DOP1B: variants seen among roughly 807,000 people sequenced by gnomAD.
DOP1B encodes DOP1 leucine zipper like protein B.
DOP1B carries 174 observed loss-of-function variants against 233.5 expected under a neutral mutation model. That is an observed-to-expected ratio of 0.75 (90% CI 0.66 to 0.85). The LOEUF is 0.85. Among genes scored for constraint, DOP1B ranks in the 40% least tolerant of loss-of-function variants. The pLI is 0.00. For synonymous variants in DOP1B, 1,190 were observed against 1,185.6 expected, an observed-to-expected ratio of 1.00 and a Z score of -0.08; for missense variants, 2,652 against 2,846.6, an observed-to-expected ratio of 0.93 and a Z score of 1.56.
At chr21:36,238,833 T>G in intron 17 of DOP1B, 132 bp downstream of exon 17, 1 of 846,610 alleles carries the variant, frequency 1.2e-6, no homozygotes, top group Non-Finnish European at 1.9e-6. Context: ...CCGGGTGTGG[T>G]GGCTCACGCC....
At chr21:36,179,883 A>T (rs1297696478) in intron 2 of DOP1B, among the ~76,000 whole-genome samples, 1 of 152,182 alleles carries the variant, frequency 6.6e-6, no homozygotes, top group South Asian at 2.1e-4. Flanking sequence ...ATTTTTGTTA[A>T]GATAAATTGC....
intron 2 of DOP1B, among the ~76,000 whole-genome samples, chr21:36,194,342 G>T (rs980526280): frequency 6.6e-6 from 1 of 152,218 alleles, no homozygotes; most frequent in Admixed American, 6.5e-5. Flanking sequence ...CTTGAGTCAA[G>T]CTTACCTCTC....
At chr21:36,170,949 C>A (rs1351336697) in intron 2 of DOP1B, among the ~76,000 whole-genome samples, 1 of 152,300 alleles carries the variant, frequency 6.6e-6, no homozygotes, top group South Asian at 2.1e-4. Context: ...TTGCAAGATA[C>A]GGTTGGGACA....
intron 23 of DOP1B, 44 bp from the exon 24 acceptor site, chr21:36,260,633 A>C (rs1271661325): frequency 6.2e-7 from 1 of 1,611,514 alleles, no homozygotes. Context: ...TTTTAGCCTT[A>C]TTTCCCACCA....
intron 32 of DOP1B, among the ~76,000 whole-genome samples, chr21:36,286,621 G>C (rs966848882): frequency 7.0e-6 from 1 of 142,156 alleles, no homozygotes; most frequent in Non-Finnish European, 1.5e-5. Context: ...GAGTGACAGA[G>C]TAAGACTCCA....
chr21:36,233,936 C>G (rs1022552189), intron 15 of DOP1B, among the ~76,000 whole-genome samples: 1 of 152,116 alleles, frequency 6.6e-6, no homozygotes, highest in Non-Finnish European at 1.5e-5. Context: ...TCACTGCAAC[C>G]TCTGCCTCCC....
chr21:36,263,542 A>AT lies in DOP1B; in HGVS notation c.5316-4_5316-3insT, dbSNP rs2067198037. 1 of 1,612,436 alleles carries AT rather than the reference A, an allele frequency of 6.2e-7. No homozygotes were observed. Among genetic ancestry groups the AT allele is most frequent in the East Asian group, 2.2e-5 (1 of 44,892 alleles). On this transcript the variant is annotated splice_polypyrimidine_tract_variant and splice_region_variant and intron_variant, in intron 24 of 36. Transcript: ENST00000691173. Reference sequence around the variant, plus strand: ...AGTATTTTTCCTATCTTTTAAAAAAACAGGCTCCCAGTACCAGCCTTGCAA... The same window carrying AT: ...AGTATTTTTCCTATCTTTTAAAAAAATCAGGCTCCCAGTACCAGCCTTGCAA...
At chr21:36,177,802 T>G (rs1601385315) in intron 2 of DOP1B, among the ~76,000 whole-genome samples, 1 of 152,366 alleles carries the variant, frequency 6.6e-6, no homozygotes, top group Middle Eastern at 3.4e-3. Context: ...CCTCACCAGA[T>G]GCAGCCCCTT....
At chr21:36,207,490 GTTTTTTTTGT>G (rs1181998289) in intron 4 of DOP1B, among the ~76,000 whole-genome samples, 35 of 120,952 alleles carry the variant, frequency 2.9e-4, no homozygotes, top group African/African-American at 1.1e-3. Flanking sequence ...CAGCCAAACA[GTTTTTTTTGT>G]TTTTTTTTTT....
Position 36,169,267 on chromosome 21 carries a change from C to T in DOP1B, c.138+4396C>T, listed in dbSNP as rs115028331. On this transcript the variant is annotated intron_variant, in intron 2 of 36. Coordinates refer to ENST00000691173, the MANE Select transcript of DOP1B (RefSeq NM_001320714.2). ...TGCTCTTGTCAGACAGGTCATAGTC[C>T]GTGGAGGCATTGTTCTTGATCGGTT... 852 of 834,656 alleles carry T rather than the reference C, an allele frequency of 1.0e-3. 2 individuals carry two copies. Among genetic ancestry groups the T allele is most frequent in the Middle Eastern group, 5.2e-3 (15 of 2,876 alleles). 51.7% of individuals were successfully genotyped at this position (834,656 alleles called of 1,614,324 possible). A position where few individuals can be genotyped will look rare whatever the true frequency, so the allele number is the denominator to read the frequency against.
intron 15 of DOP1B, 33 bp downstream of exon 15, chr21:36,233,108 C>T (rs1165775933): frequency 1.2e-6 from 2 of 1,603,530 alleles, no homozygotes; most frequent in Non-Finnish European, 1.7e-6. Flanking sequence ...TTCTTATGGC[C>T]TCCTTCTCCC....
rs2066963755 is a variant in DOP1B at position 36,246,270 on chromosome 21, G to A, written c.4290G>A (p.Gln1430=). The change falls in exon 19 of 37, where the codon CAG becomes CAA. Residue 1430 remains glutamine, a synonymous_variant. Coordinates refer to ENST00000691173, the MANE Select transcript of DOP1B (RefSeq NM_001320714.2). This position sits in a 1 kb window ranked among gnomAD's most constrained non-coding sequence, Gnocchi z 5.1. ...GTCTCATTAACTTGGGTCAGGACCA[G>A]ATCTGGAGTGAGCACCCGCTGCAGA... ...EESLINLGQD[Q]IWSEHPLQIE... The A allele has an allele frequency of 6.2e-7, 1 of 1,613,856 alleles. No homozygotes were observed. Among genetic ancestry groups the A allele is most frequent in the South Asian group, 1.1e-5 (1 of 91,096 alleles).
intron 16 of DOP1B, 42 bp downstream of exon 16, chr21:36,237,456 GC>G: frequency 1.9e-6 from 3 of 1,609,892 alleles, no homozygotes; most frequent in Non-Finnish European, 2.5e-6. Flanking sequence ...CAGCACCCCG[GC>G]CCCTGCTGTA....
At chr21:36,241,890 G>T (rs1008363833) in intron 18 of DOP1B, among the ~76,000 whole-genome samples, 1 of 150,894 alleles carries the variant, frequency 6.6e-6, no homozygotes, top group East Asian at 2.0e-4. Flanking sequence ...TAAGTAAGCA[G>T]AGGTGTGTGA....
Position 36,179,772 on chromosome 21 carries a change from G to A in DOP1B, c.138+14901G>A, listed in dbSNP as rs183193682. ...GAGAAAGGGAGGGGGTACTGTATAG[G>A]AGTGGACAAGATCTCGAAGCCCCTT... On this transcript the variant is annotated intron_variant, in intron 2 of 36. Coordinates refer to ENST00000691173, the MANE Select transcript of DOP1B (RefSeq NM_001320714.2). Among the ~76,000 whole-genome samples the A allele has an allele frequency of 4.7e-3, 712 of 152,326 alleles. 4 individuals are homozygous for A. The highest frequency in any genetic ancestry group is 0.016 in the African/African-American group (651 of 41,570).
intron 4 of DOP1B, among the ~76,000 whole-genome samples, chr21:36,206,939 C>T (rs2066432464): frequency 6.6e-6 from 1 of 152,136 alleles, no homozygotes; most frequent in African/African-American, 2.4e-5. Flanking sequence ...CAATATTTTA[C>T]AGGAAGTTCA....
chr21:36,261,244 A>C (rs751859967), intron 24 of DOP1B: 37 of 886,630 alleles, frequency 4.2e-5, no homozygotes, highest in Non-Finnish European at 4.9e-5. Context: ...GTGCGCCTGT[A>C]ATCCCAGCTA....
At chr21:36,211,718 C>G (rs2066500547) in intron 6 of DOP1B, 67 bp downstream of exon 6, 1 of 1,527,364 alleles carries the variant, frequency 6.5e-7, no homozygotes, top group South Asian at 1.1e-5. Flanking sequence ...AGATCTCAAG[C>G]AGTTCTGTCG....
Position 36,245,794 on chromosome 21 carries a change from A to G in DOP1B, c.3814A>G (p.Thr1272Ala). The G allele has an allele frequency of 5.0e-6, 8 of 1,613,912 alleles. No homozygotes were observed. The highest frequency in any genetic ancestry group is 1.1e-5 in the South Asian group (1 of 91,062). ...CAGGACTAGCATGGATACCAGCTCCACCGCGCACCTCAACCTCATCTCCAA... is the reference window on the plus strand; with the variant it reads ...CAGGACTAGCATGGATACCAGCTCCGCCGCGCACCTCAACCTCATCTCCAA... ...VSRTSMDTSS[T>A]AHLNLISNLL... is the part of the protein sequence containing the mutation. The change falls in exon 19 of 37, where the codon ACC becomes GCC. Residue 1272 changes from threonine to alanine, a missense_variant. Around this residue, in one of 3 missense-constraint regions of DOP1B, gnomAD observed 2,617 missense variants for 2,794.3 expected, o/e 0.94. Coordinates refer to ENST00000691173, the MANE Select transcript of DOP1B (RefSeq NM_001320714.2). This position sits in a 1 kb window ranked among gnomAD's most constrained non-coding sequence, Gnocchi z 5.5.
Sources: allele counts gnomAD v4.1 joint callset (sites outside exome capture counted in the v4.1 genomes callset), GRCh38; gene constraint gnomAD v4.1.1; regional missense constraint gnomAD v4.1.1; non-coding constraint Gnocchi (gnomAD v3.1); transcripts MANE v1.5; gene names NCBI Gene and HGNC (gene_info 2026-07-23, HGNC 2026-07-21).